Variants in TRAM2 observed in about 807,000 individuals in gnomAD.
TRAM2 encodes translocation associated membrane protein 2, also known as translocating chain-associated membrane protein 2.
In TRAM2, 12 loss-of-function variants were observed where a neutral mutation model predicts 51.0. The ratio of observed to expected loss-of-function variants is 0.24; its 90% CI spans 0.15 to 0.38. TRAM2 has a LOEUF of 0.38. Among genes scored for constraint, TRAM2 ranks in the 10% least tolerant of loss-of-function variants. The pLI, the probability that TRAM2 is intolerant of heterozygous loss-of-function variation, is 1.00. For synonymous variants in TRAM2, 175 were observed against 179.4 expected, an observed-to-expected ratio of 0.98 and a Z score of 0.20; for missense variants, 361 against 462.0, an observed-to-expected ratio of 0.78 and a Z score of 2.00.
chr6:52,505,569 C>T (rs1160159211), intron 9 of TRAM2, 30 bp downstream of exon 9: 3 of 1,580,398 alleles, frequency 1.9e-6, no homozygotes, highest in Non-Finnish European at 2.6e-6. Flanking sequence ...GGCTCCCTGG[C>T]TTATCACCTT....
chr6:52,516,806 A>G, intron 2 of TRAM2, 69 bp from the exon 3 acceptor site: 5 of 1,238,868 alleles, frequency 4.0e-6, no homozygotes, highest in Non-Finnish European at 5.9e-6. Context: ...CAAAACTGAA[A>G]TGAGATGGGA....
intron 2 of TRAM2, chr6:52,529,871 ACTTTT>A (rs1336566313): frequency 6.6e-6 from 1 of 152,194 alleles, no homozygotes; most frequent in African/African-American, 2.4e-5. Flanking sequence ...GAAGAATCAA[ACTTTT>A]CTTTTCTGGC....
intron 2 of TRAM2, among the ~76,000 whole-genome samples, chr6:52,535,160 T>C (rs1766957690): frequency 6.6e-6 from 1 of 152,234 alleles, no homozygotes; most frequent in African/African-American, 2.4e-5. Context: ...AGCCATGCTC[T>C]GGAGAACAGA....
chr6:52,509,154 G>T (rs546851544), intron 5 of TRAM2, among the ~76,000 whole-genome samples: 52 of 152,308 alleles, frequency 3.4e-4, no homozygotes, highest in Non-Finnish European at 5.4e-4. Context: ...TGAGGCAGAG[G>T]ACACTGGCTC....
intron 1 of TRAM2, among the ~76,000 whole-genome samples, chr6:52,540,780 A>G (rs1767063638): frequency 6.6e-6 from 1 of 152,212 alleles, no homozygotes. Flanking sequence ...AGGAAACATT[A>G]TTGAGTTTAA....
At chr6:52,510,882 A>G (rs1208626357) in intron 4 of TRAM2, among the ~76,000 whole-genome samples, 1 of 152,236 alleles carries the variant, frequency 6.6e-6, no homozygotes, top group Non-Finnish European at 1.5e-5. Flanking sequence ...CATGGGAAGA[A>G]ATAATCTACC....
In TRAM2 at chr6:52,504,699, TG is replaced by T; in HGVS notation, c.930del (p.Phe310LeufsTer45). ...CGCCAGTGCCGCAGCTGGGAGTGGA[TG>T]AAGCGCCACATGAGCCAGGCCTGGG... ...CAAQAWLMWR[F>X]IHSQLRHWRE... On this transcript the variant is annotated frameshift_variant, in exon 10 of 11. Coordinates refer to ENST00000182527, the MANE Select transcript of TRAM2 (RefSeq NM_012288.4). LOFTEE classifies it high-confidence loss of function. 6.2e-7 allele frequency: 1 copy of T among 1,612,882 alleles called. No individual in the cohort carries two copies. The highest frequency in any genetic ancestry group is 8.5e-7 in the Non-Finnish European group (1 of 1,179,696).
At chr6:52,561,888 G>A (rs1448977597) in intron 1 of TRAM2, among the ~76,000 whole-genome samples, 5 of 152,332 alleles carry the variant, frequency 3.3e-5, no homozygotes, top group South Asian at 2.1e-4. Context: ...GATTACAGGC[G>A]TGAGCCACCA....
chr6:52,539,723 G>A (rs1398134629), intron 1 of TRAM2, among the ~76,000 whole-genome samples: 1 of 152,158 alleles, frequency 6.6e-6, no homozygotes, highest in Non-Finnish European at 1.5e-5. Flanking sequence ...CCAGAACAGA[G>A]CGGCACTCAG....
intron 1 of TRAM2, among the ~76,000 whole-genome samples, chr6:52,561,431 T>A (rs765930885): frequency 2.6e-5 from 4 of 151,782 alleles, no homozygotes; most frequent in Admixed American, 1.3e-4. Context: ...TACAGGTATA[T>A]GCCGCCATGC....
rs773637375 is a variant in TRAM2 at position 52,509,568 on chromosome 6, G to A, written c.430C>T (p.Pro144Ser). 1 of 1,614,066 alleles carries A rather than the reference G, an allele frequency of 6.2e-7. No individual in the cohort carries two copies. Among genetic ancestry groups the A allele is most frequent in the Non-Finnish European group, 8.5e-7 (1 of 1,179,980 alleles). Reference sequence around the variant, plus strand: ...GGGTAGTCTTCCCAGAGGCTTCTTGGGTTTGTTAAGTATCCTTCCTGCAGT... The same window carrying A: ...GGGTAGTCTTCCCAGAGGCTTCTTGAGTTTGTTAAGTATCCTTCCTGCAGT... ...VVVTEGYLTN[P>S]RSLWEDYPHV... Residue 144 changes from proline (P) to serine (S), a missense_variant, in exon 5 of 11, where the codon CCA becomes TCA. By Grantham distance (74) the Pro-to-Ser change is moderately conservative. Transcript: ENST00000182527.
At chr6:52,556,541 CAG>C (rs571573944) in intron 1 of TRAM2, among the ~76,000 whole-genome samples, 173 of 152,156 alleles carry the variant, frequency 1.1e-3, no homozygotes, top group Middle Eastern at 3.4e-3. Flanking sequence ...CTTGCCCCCA[CAG>C]AGTGTTGGGA....
chr6:52,557,367 T>C (rs1767428972), intron 1 of TRAM2, among the ~76,000 whole-genome samples: 1 of 152,192 alleles, frequency 6.6e-6, no homozygotes, highest in Non-Finnish European at 1.5e-5. Context: ...GAGTCCTTAC[T>C]GTATATCAGG....
intron 1 of TRAM2, among the ~76,000 whole-genome samples, chr6:52,553,102 C>A (rs760234457): frequency 3.9e-5 from 6 of 152,148 alleles, no homozygotes; most frequent in Admixed American, 6.5e-5. Context: ...AACATACACG[C>A]ACACACCACA....
At chr6:52,546,443 G>A (rs777268728) in intron 1 of TRAM2, among the ~76,000 whole-genome samples, 2 of 152,136 alleles carry the variant, frequency 1.3e-5, no homozygotes, top group African/African-American at 2.4e-5. Context: ...GGCTGGAGAC[G>A]GGAGGTGAGC....
At chr6:52,508,054 G>A (rs528358660) in intron 6 of TRAM2, among the ~76,000 whole-genome samples, 180 bp downstream of exon 6, 2 of 152,334 alleles carry the variant, frequency 1.3e-5, no homozygotes, top group South Asian at 2.1e-4. Flanking sequence ...TGACACTGGT[G>A]GTCAACTACA....
intron 1 of TRAM2, among the ~76,000 whole-genome samples, chr6:52,575,508 A>T (rs1295413463): frequency 1.3e-5 from 2 of 151,522 alleles, no homozygotes; most frequent in Non-Finnish European, 2.9e-5. Flanking sequence ...CAGACCCTAA[A>T]GCTCAGCCAC....
intron 2 of TRAM2, among the ~76,000 whole-genome samples, chr6:52,532,432 C>T (rs946983994): frequency 2.0e-5 from 3 of 152,088 alleles, no homozygotes; most frequent in African/African-American, 7.2e-5. Flanking sequence ...AACTGGTATT[C>T]TGATTTTTTT....
intron 1 of TRAM2, among the ~76,000 whole-genome samples, chr6:52,576,439 G>A (rs542847448): frequency 1.3e-5 from 2 of 152,362 alleles, no homozygotes; most frequent in Admixed American, 1.3e-4. Context: ...GAGTCTCTGG[G>A]CTTGGCTCCT....
Sources: allele counts gnomAD v4.1 joint callset (sites outside exome capture counted in the v4.1 genomes callset), GRCh38; gene constraint gnomAD v4.1.1; transcripts MANE v1.5; gene names NCBI Gene and HGNC (gene_info 2026-07-23, HGNC 2026-07-21).